The following SMARCA4 variants were observed in gnomAD, a reference collection of about 807,000 sequenced individuals.
SMARCA4 encodes SWI/SNF related BAF chromatin remodeling complex subunit ATPase 4.
In SMARCA4, 31 loss-of-function variants were observed where a neutral mutation model predicts 193.9. The observed-to-expected ratio is 0.16, with a 90% confidence interval of 0.12 to 0.22. SMARCA4 has a LOEUF of 0.22. Among genes scored for constraint, SMARCA4 ranks in the 10% least tolerant of loss-of-function variants. The probability of loss-of-function intolerance (pLI) is 1.00; values close to 1 mark genes in which losing one functional copy is unlikely to be tolerated. For synonymous variants in SMARCA4, 942 were observed against 933.1 expected, an observed-to-expected ratio of 1.01 and a Z score of -0.17; for missense variants, 1,148 against 2,296.0, an observed-to-expected ratio of 0.50 and a Z score of 10.22.
chr19:10,971,339 A>G (rs1291084520), intron 1 of SMARCA4, among the ~76,000 whole-genome samples: 1 of 152,174 alleles, frequency 6.6e-6, no homozygotes, highest in Admixed American at 6.5e-5. Flanking sequence ...AAATAACCAC[A>G]TGGTGCCCAT....
intron 30 of SMARCA4, among the ~76,000 whole-genome samples, chr19:11,052,440 G>T (rs955702672): frequency 6.6e-6 from 1 of 152,056 alleles, no homozygotes; most frequent in Non-Finnish European, 1.5e-5. Context: ...GGCATGTGGG[G>T]CTCCAGGGGG....
chr19:10,967,328 G>A (rs1243538201), intron 1 of SMARCA4, among the ~76,000 whole-genome samples: 2 of 151,726 alleles, frequency 1.3e-5, no homozygotes, highest in Non-Finnish European at 2.9e-5. Context: ...TTTTTGAAAT[G>A]GAGTCTTGCT....
chr19:10,965,573 G>A (rs1027401223), intron 1 of SMARCA4, among the ~76,000 whole-genome samples: 2 of 152,150 alleles, frequency 1.3e-5, no homozygotes, highest in South Asian at 2.1e-4. Context: ...TGAGGAATGC[G>A]TTGTGAGATG....
At chr19:11,012,064 C>G (rs968791105) in intron 15 of SMARCA4, 1 of 151,832 alleles carries the variant, frequency 6.6e-6, no homozygotes, top group African/African-American at 2.4e-5. Flanking sequence ...TCCAAGAGTC[C>G]CATGCAATTA....
intron 13 of SMARCA4, 64 bp from the exon 14 acceptor site, chr19:11,007,838 A>G (rs1336220621): frequency 4.4e-6 from 7 of 1,591,410 alleles, no homozygotes; most frequent in African/African-American, 4.0e-5. Context: ...TGTTCTCCCC[A>G]TGGGAGTCCC....
rs541155164 is a variant in SMARCA4, at chr19:11,054,962, G to A, written c.4425-3293G>A. Reference sequence around the variant, plus strand: ...GGTGGCGCCTATCCAGAGGACTCCGGGTTTCATTCCAAGTGCGGGGAGGCT... The same window carrying A: ...GGTGGCGCCTATCCAGAGGACTCCGAGTTTCATTCCAAGTGCGGGGAGGCT... On this transcript the variant is annotated intron_variant, in intron 30 of 34. Transcript: ENST00000344626. Among the ~76,000 whole-genome samples, 3 of 152,094 alleles carry A rather than the reference G, an allele frequency of 2.0e-5. 1 individual carries two copies. In the South Asian group the frequency reaches 6.2e-4, roughly 31 times the overall value.
rs756505622 is a variant in SMARCA4 at position 11,019,483 on chromosome 19, G to A, written c.2506-108G>A. ...CTTTCCCCACTACCCCTGTGAGGAC[G>A]AGCCCTCCCGCCGTGTCACTGGGCA... On this transcript the variant is annotated intron_variant, in intron 17 of 34. Transcript: ENST00000344626. This position sits in a 1 kb window ranked among gnomAD's most constrained non-coding sequence, Gnocchi z 6.1. 11 of 726,722 alleles carry A rather than the reference G, an allele frequency of 1.5e-5. No homozygotes were observed. The highest frequency in any genetic ancestry group is 2.7e-5 in the Non-Finnish European group (11 of 406,604). 45.0% of individuals were successfully genotyped at this position (726,722 alleles called of 1,614,324 possible).
rs1230404082 is a variant in SMARCA4 at position 10,964,143 on chromosome 19, C to CAT, written c.-32+2972_-32+2973dup. Among the ~76,000 whole-genome samples, 3 of 152,186 alleles carry CAT rather than the reference C, an allele frequency of 2.0e-5. No homozygotes were observed. In the East Asian group the frequency reaches 5.8e-4, roughly 29 times the overall value. ...TTCTTGTCAGTGAGGAGCATTCCAACATATGTGTATTTATTTACAATTTAT... is the reference window on the plus strand; with the variant it reads ...TTCTTGTCAGTGAGGAGCATTCCAACATATATGTGTATTTATTTACAATTTAT... On this transcript the variant is annotated intron_variant, in intron 1 of 34. Transcript: ENST00000344626.
chr19:11,029,171 C>T (rs147136754), intron 24 of SMARCA4, among the ~76,000 whole-genome samples: 104 of 152,322 alleles, frequency 6.8e-4, no homozygotes, highest in African/African-American at 2.4e-3. Flanking sequence ...AACCAAAATC[C>T]TTCAGGGTCC....
At chr19:11,056,211 C>G (rs1432926319) in intron 30 of SMARCA4, 1 of 152,228 alleles carries the variant, frequency 6.6e-6, no homozygotes, top group Non-Finnish European at 1.5e-5. Flanking sequence ...TCGTGTCTTT[C>G]TCCAGGGTCA....
intron 13 of SMARCA4, among the ~76,000 whole-genome samples, chr19:11,004,718 T>G (rs1477573261): frequency 6.6e-6 from 1 of 152,240 alleles, no homozygotes; most frequent in East Asian, 1.9e-4. Context: ...CATTTATATT[T>G]ACTGTAATTT....
At chr19:10,976,779 G>A (rs2085164690) in intron 1 of SMARCA4, among the ~76,000 whole-genome samples, 1 of 148,128 alleles carries the variant, frequency 6.8e-6, no homozygotes, top group Non-Finnish European at 1.5e-5. Flanking sequence ...ATTGGGCCGG[G>A]CGTGGTGCCT....
chr19:11,061,204 A>AAAAAAATATATATAT (rs1555797070), intron 34 of SMARCA4, among the ~76,000 whole-genome samples: 1 of 45,226 alleles, frequency 2.2e-5, no homozygotes, highest in African/African-American at 1.1e-4. Context: ...AAAAAAAAAA[A>AAAAAAATATATATAT]ATATATATAT....
In SMARCA4 at chr19:10,984,441, C is replaced by T. The variant is rs1054015670; in HGVS notation, c.222+68C>T. The T allele has an allele frequency of 1.6e-5, 25 of 1,549,202 alleles. No individual in the cohort carries two copies. The highest frequency in any genetic ancestry group is 2.2e-5 in the Non-Finnish European group (25 of 1,146,828). On this transcript the variant is annotated intron_variant, in intron 2 of 34. Coordinates refer to ENST00000344626, the MANE Select transcript of SMARCA4 (RefSeq NM_003072.5). This position sits in a 1 kb window ranked among gnomAD's most constrained non-coding sequence, Gnocchi z 4.3. Reference sequence around the variant, plus strand: ...ACTAGGGCTGCAGGCAGCCTCTGGACCGAGGGCCTTACTTGGAGGATGGGG... The same window carrying T: ...ACTAGGGCTGCAGGCAGCCTCTGGATCGAGGGCCTTACTTGGAGGATGGGG...
rs140000691 is a variant in SMARCA4 at position 10,989,434 on chromosome 19, C to T, written c.1236C>T (p.Phe412=). ...IELKALRLLN[F]QRQLRQEVVV... ...TCAAGGCCCTCAGGCTGCTGAACTT[C>T]CAGAGGCAGGTGGGTGCTGGCATGG... Residue 412 remains phenylalanine (F), a synonymous_variant, in exon 7 of 35, where the codon TTC becomes TTT. Transcript: ENST00000344626. The T allele has an allele frequency of 1.4e-4, 231 of 1,613,986 alleles. No individual in the cohort carries two copies. The highest frequency in any genetic ancestry group is 1.8e-4 in the Non-Finnish European group (218 of 1,180,000).
At chr19:11,010,239 G>A (rs1024491901) in intron 14 of SMARCA4, 142 bp from the exon 15 acceptor site, 11 of 961,110 alleles carry the variant, frequency 1.1e-5, no homozygotes, top group Middle Eastern at 2.4e-4. Flanking sequence ...CACACTGTCC[G>A]GCTGCACCTC....
chr19:11,057,258 G>C (rs2076597569), intron 30 of SMARCA4, among the ~76,000 whole-genome samples: 1 of 152,236 alleles, frequency 6.6e-6, no homozygotes, highest in African/African-American at 2.4e-5. Context: ...AGCTCTCAGA[G>C]CTTCTGTCCC....
chr19:11,057,088 G>T (rs993904064), intron 30 of SMARCA4, among the ~76,000 whole-genome samples: 8 of 152,352 alleles, frequency 5.3e-5, no homozygotes, highest in African/African-American at 1.9e-4. Flanking sequence ...TTCCCATCAG[G>T]CCCCGTTGGC....
At chr19:10,966,919 G>A (rs770118517) in intron 1 of SMARCA4, among the ~76,000 whole-genome samples, 26 of 152,000 alleles carry the variant, frequency 1.7e-4, no homozygotes, top group Admixed American at 9.9e-4. Flanking sequence ...CGGGGGTTGG[G>A]AAGGATAACA....
Sources: allele counts gnomAD v4.1 joint callset (sites outside exome capture counted in the v4.1 genomes callset), GRCh38; gene constraint gnomAD v4.1.1; non-coding constraint Gnocchi (gnomAD v3.1); transcripts MANE v1.5; gene names NCBI Gene and HGNC (gene_info 2026-07-23, HGNC 2026-07-21).